Variants in NRG3 observed in about 807,000 individuals in gnomAD.
NRG3 encodes neuregulin 3.
A neutral mutation model predicts 66.9 loss-of-function variants in NRG3; 31 were observed. The ratio of observed to expected loss-of-function variants is 0.46; its 90% CI spans 0.35 to 0.63. NRG3 has a LOEUF of 0.63. Among genes scored for constraint, NRG3 ranks in the 20% least tolerant of loss-of-function variants. The probability of loss-of-function intolerance (pLI) is 0.00; values close to 1 mark genes in which losing one functional copy is unlikely to be tolerated. For synonymous variants in NRG3, 393 were observed against 359.4 expected (o/e 1.09, Z -1.06); for missense variants, 910 against 878.9 (o/e 1.04, Z -0.45).
At chr10:82,470,865 C>T (rs1449977252) in intron 2 of NRG3, among the ~76,000 whole-genome samples, 1 of 152,218 alleles carries the variant, frequency 6.6e-6, no homozygotes, top group Admixed American at 6.5e-5. Context: ...AGCTCCCCTG[C>T]CCTACTCAGC....
chr10:81,936,441 C>T (rs1368499676), intron 1 of NRG3, among the ~76,000 whole-genome samples: 1 of 151,930 alleles, frequency 6.6e-6, no homozygotes, highest in Non-Finnish European at 1.5e-5. Flanking sequence ...GCATGATCAG[C>T]TTGGTGTTTT....
intron 1 of NRG3, among the ~76,000 whole-genome samples, chr10:81,895,484 G>A (rs1843432357): frequency 6.6e-6 from 1 of 152,184 alleles, no homozygotes; most frequent in Non-Finnish European, 1.5e-5. Flanking sequence ...TTCATTTAAT[G>A]TGGATGTTAT....
rs112939321 is a variant in NRG3, at chr10:82,961,219, C to T, written c.1284+2144C>T. Among the ~76,000 whole-genome samples, 1,350 of 152,124 alleles carry T rather than the reference C, an allele frequency of 8.9e-3. 12 individuals carry two copies. The highest frequency in any genetic ancestry group is 0.031 in the African/African-American group (1,288 of 41,506). On this transcript the variant is annotated intron_variant, in intron 6 of 8. Coordinates refer to ENST00000372141, the MANE Select transcript of NRG3 (RefSeq NM_001010848.4). ...AACGTAATAAGGTGAAAAGTTTGTA[C>T]CTTGAAATCTACAAACATTGATCAA...
At chr10:82,901,740 T>C (rs948562150) in intron 4 of NRG3, among the ~76,000 whole-genome samples, 19 of 152,214 alleles carry the variant, frequency 1.2e-4, no homozygotes, top group African/African-American at 4.3e-4. Context: ...TAAAATTATA[T>C]GTGAAAGTCG....
chr10:82,102,090 A>G (rs1190562127), intron 1 of NRG3, among the ~76,000 whole-genome samples: 1 of 114,004 alleles, frequency 8.8e-6, no homozygotes. Context: ...ATATATGTGT[A>G]TTCATATATA....
chr10:81,882,601 C>T (rs1393290061), intron 1 of NRG3, among the ~76,000 whole-genome samples: 1 of 152,048 alleles, frequency 6.6e-6, no homozygotes, highest in East Asian at 1.9e-4. Context: ...ATGCCAATCC[C>T]GAAAGAGTTT....
intron 1 of NRG3, among the ~76,000 whole-genome samples, chr10:81,982,681 A>G (rs1293911736): frequency 6.6e-6 from 1 of 152,114 alleles, no homozygotes; most frequent in African/African-American, 2.4e-5. Context: ...CTGAGCATCC[A>G]TGGCAGTTCT....
chr10:82,042,769 G>A (rs2063104013), intron 1 of NRG3, among the ~76,000 whole-genome samples: 2 of 152,038 alleles, frequency 1.3e-5, no homozygotes, highest in South Asian at 4.1e-4. Context: ...AGTTATCTGT[G>A]CTAGACATTT....
chr10:82,075,995 TA>T (rs2065071215), intron 1 of NRG3, among the ~76,000 whole-genome samples: 1 of 149,284 alleles, frequency 6.7e-6, no homozygotes. Context: ...AGGAAATGAG[TA>T]AAAAGACTGA....
intron 1 of NRG3, among the ~76,000 whole-genome samples, chr10:81,949,498 C>T (rs567862364): frequency 6.6e-6 from 1 of 152,098 alleles, no homozygotes; most frequent in East Asian, 1.9e-4. Context: ...CCTCTCATGG[C>T]CAGATGGCTG....
At chr10:82,943,352 T>A (rs1848730889) in intron 4 of NRG3, among the ~76,000 whole-genome samples, 1 of 152,166 alleles carries the variant, frequency 6.6e-6, no homozygotes, top group African/African-American at 2.4e-5. Flanking sequence ...GCTCCTTGAG[T>A]GGAGTTGGCT....
At chr10:82,318,048 C>T (rs112102056) in intron 1 of NRG3, among the ~76,000 whole-genome samples, 233 of 151,748 alleles carry the variant, frequency 1.5e-3, no homozygotes, top group African/African-American at 5.4e-3. Flanking sequence ...AGGGGAACAA[C>T]GAGATATGCC....
At position 81,875,414 on chromosome 10, in the gene NRG3, C is replaced by T. The variant is rs1235326740; in HGVS notation, c.74C>T (p.Thr25Ile). 34 of 1,042,448 alleles carry T rather than the reference C, an allele frequency of 3.3e-5. No homozygotes were observed. The Middle Eastern group carries it at 1.7e-3, about 51-fold the overall frequency. 64.6% of individuals were successfully genotyped at this position (1,042,448 alleles called of 1,614,324 possible). Residue 25 changes from threonine to isoleucine, a missense_variant, in exon 1 of 9, where the codon ACC becomes ATC. By Grantham distance (89) the Thr-to-Ile change is moderately conservative. Transcript: ENST00000372141. The surrounding 1 kb of genome is among the most constrained non-coding windows in gnomAD (Gnocchi z 5.3). ...SAAAASAEEG[T>I]AAAAAAAAAG... ...GCCGCCGCCTCGGCCGAGGAGGGCA[C>T]CGCGGCGGCTGCGGCGGCGGCAGCG...
intron 1 of NRG3, among the ~76,000 whole-genome samples, chr10:82,203,893 ACTGCATTAAGTC>A: frequency 6.6e-6 from 1 of 152,270 alleles, no homozygotes; most frequent in Non-Finnish European, 1.5e-5. Context: ...AATGCAGTCT[ACTGCATTAAGTC>A]AGGTTTGCAT....
At chr10:82,446,712 T>G (rs1442253653) in intron 2 of NRG3, among the ~76,000 whole-genome samples, 1 of 152,172 alleles carries the variant, frequency 6.6e-6, no homozygotes, top group Non-Finnish European at 1.5e-5. Flanking sequence ...GGTGATGGGC[T>G]GATCTGTGCA....
At chr10:82,413,483 T>C (rs1269625319) in intron 2 of NRG3, among the ~76,000 whole-genome samples, 1 of 152,158 alleles carries the variant, frequency 6.6e-6, no homozygotes, top group Non-Finnish European at 1.5e-5. Context: ...AGATTTAACA[T>C]AATTCTTAAT....
chr10:82,337,028 T>G (rs1183059276), intron 1 of NRG3, among the ~76,000 whole-genome samples: 1 of 152,180 alleles, frequency 6.6e-6, no homozygotes, highest in African/African-American at 2.4e-5. Context: ...TGCAAAGGCA[T>G]AACATGAAAT....
chr10:82,434,805 G>C (rs929975276), intron 2 of NRG3, among the ~76,000 whole-genome samples: 1 of 152,078 alleles, frequency 6.6e-6, no homozygotes, highest in East Asian at 1.9e-4. Context: ...TGACTTGATC[G>C]TGGTGGATAA....
At chr10:82,344,175 G>C (rs58932188) in intron 1 of NRG3, among the ~76,000 whole-genome samples, 56,181 of 146,330 alleles carry the variant, frequency 0.38, 15,338 homozygotes, top group African/African-American at 0.77. Context: ...AACTCGTCAT[G>C]TAGCATTAGG....
Sources: gnomAD v4.1 joint callset for allele counts (sites outside exome capture counted in the v4.1 genomes callset) on GRCh38, gnomAD v4.1.1 for gene constraint, Gnocchi (gnomAD v3.1) non-coding constraint, MANE v1.5 for transcripts, NCBI Gene and HGNC (gene_info 2026-07-23, HGNC 2026-07-21) for gene names.